KRT7: variants seen among roughly 807,000 people sequenced by gnomAD.
The protein encoded by KRT7 is keratin 7.
KRT7 carries 50 observed loss-of-function variants against 42.8 expected under a neutral mutation model. The observed-to-expected ratio is 1.17, with a 90% CI of 0.93 to 1.48. KRT7 has a LOEUF of 1.48. KRT7 is among the 40% of genes most tolerant of loss of function. KRT7 has a pLI of 0.00. For missense variants in KRT7, 588 were observed against 637.6 expected, an observed-to-expected ratio of 0.92 and a Z score of 0.84; for synonymous variants, 268 against 266.3, an observed-to-expected ratio of 1.01 and a Z score of -0.06.
At chr12:52,237,763 G>T (rs1177969177) in intron 3 of KRT7, 194 bp downstream of exon 3, 1 of 315,136 alleles carries the variant, frequency 3.2e-6, no homozygotes, top group Non-Finnish European at 5.6e-6. Flanking sequence ...TGTGTGTGTG[G>T]TGACTGATTA....
downstream of KRT7, among the ~76,000 whole-genome samples, chr12:52,250,842 A>G (rs1313458395): frequency 6.6e-6 from 1 of 152,174 alleles, no homozygotes; most frequent in Non-Finnish European, 1.5e-5. Context: ...TCGCCTCACA[A>G]CAGAGACATG....
chr12:52,248,647 G>A lies in KRT7; in HGVS notation c.1297G>A (p.Gly433Arg), dbSNP rs748136255. The A allele has an allele frequency of 1.3e-5, 21 of 1,611,894 alleles. No homozygotes were observed. Among genetic ancestry groups the A allele is most frequent in the Non-Finnish European group, 1.6e-5 (19 of 1,178,790 alleles). The change falls in exon 9 of 9, where the codon GGG (glycine) becomes AGG (arginine). Residue 433 changes from glycine (G) to arginine (R), a missense_variant. By Grantham distance (125) the Gly-to-Arg change is moderately radical. Coordinates refer to ENST00000331817, the MANE Select transcript of KRT7 (RefSeq NM_005556.4). Reference sequence around the variant, plus strand: ...TGGCGGTGGCATTGGGCTGACCCTCGGGGGAACCATGGGCAGCAATGCCCT... The same window carrying A: ...TGGCGGTGGCATTGGGCTGACCCTCAGGGGAACCATGGGCAGCAATGCCCT... ...SSGGGIGLTL[G>R]GTMGSNALSF...
At chr12:52,236,482 C>T (rs896059600) in intron 2 of KRT7, among the ~76,000 whole-genome samples, 4 of 152,142 alleles carry the variant, frequency 2.6e-5, no homozygotes, top group African/African-American at 9.7e-5. Flanking sequence ...GGGAGGGTCC[C>T]TGTGTGCAGC....
intron 5 of KRT7, among the ~76,000 whole-genome samples, chr12:52,242,533 C>G (rs993767215): frequency 6.6e-6 from 1 of 152,122 alleles, no homozygotes; most frequent in Admixed American, 6.5e-5. Flanking sequence ...AGGTCTGCCC[C>G]TGCAGAGATA....
chr12:52,237,617 C>T (rs369588624), intron 3 of KRT7, 48 bp downstream of exon 3: 1 of 1,344,608 alleles, frequency 7.4e-7, no homozygotes. Flanking sequence ...AAACATGGGA[C>T]AAAGGACCAC....
chr12:52,245,113 A>G (rs1942148868), intron 6 of KRT7: 1 of 509,530 alleles, frequency 2.0e-6, no homozygotes, highest in Non-Finnish European at 3.5e-6. Context: ...GACATCTTGT[A>G]TATTATCTCA....
chr12:52,233,973 C>T (rs1415717919), intron 1 of KRT7, among the ~76,000 whole-genome samples: 1 of 152,222 alleles, frequency 6.6e-6, no homozygotes, highest in Non-Finnish European at 1.5e-5. Context: ...GCCAGGAGTT[C>T]TCTCTCTGGG....
At chr12:52,239,995 C>T (rs1344091532) in intron 4 of KRT7, among the ~76,000 whole-genome samples, 1 of 152,216 alleles carries the variant, frequency 6.6e-6, no homozygotes, top group Non-Finnish European at 1.5e-5. Context: ...ACCAGTTCTT[C>T]AGCCTAGTCT....
chr12:52,252,323 G>T, downstream of KRT7: 2 of 1,614,058 alleles, frequency 1.2e-6, no homozygotes, highest in Non-Finnish European at 1.7e-6. Flanking sequence ...AGGCCAGCTT[G>T]GAGTTCATCA....
downstream of KRT7, chr12:52,251,985 C>G: frequency 1.6e-6 from 1 of 636,464 alleles, no homozygotes; most frequent in Non-Finnish European, 2.9e-6. Context: ...CTGCCCAGAA[C>G]CCCAAGCTGT....
chr12:52,245,388 T>TTACA, intron 6 of KRT7, 24 bp from the exon 7 acceptor site: 1 of 1,611,236 alleles, frequency 6.2e-7, no homozygotes, highest in South Asian at 1.1e-5. Flanking sequence ...GAGCCCCAGC[T>TTACA]TACAGCTGCA....
chr12:52,238,833 A>G (rs1245046208), intron 4 of KRT7, 58 bp downstream of exon 4: 2 of 1,108,040 alleles, frequency 1.8e-6, no homozygotes, highest in Non-Finnish European at 2.7e-6. Context: ...CCAGGGAGCC[A>G]TCTGGTCCAG....
At chr12:52,254,372 G>A (rs1463306952), downstream of KRT7, 1 of 758,256 alleles carries the variant, frequency 1.3e-6, no homozygotes, top group African/African-American at 1.7e-5. Flanking sequence ...ATCCTAAAGG[G>A]GAGAAGGTGG....
intron 6 of KRT7, 144 bp downstream of exon 6, chr12:52,243,281 C>T (rs1338298401): frequency 5.2e-6 from 5 of 956,072 alleles, no homozygotes; most frequent in East Asian, 2.8e-5. Flanking sequence ...GTGAGATCTC[C>T]AGCACAGAAT....
chr12:52,248,442 T>G (rs1394811803), intron 8 of KRT7, 149 bp from the exon 9 acceptor site: 2 of 895,334 alleles, frequency 2.2e-6, no homozygotes, highest in Non-Finnish European at 3.4e-6. Context: ...GCCCTACCCC[T>G]GTCAGATGCT....
At chr12:52,253,498 C>A, downstream of KRT7, 1 of 1,561,736 alleles carries the variant, frequency 6.4e-7, no homozygotes, top group Non-Finnish European at 8.7e-7. Context: ...CTTATCTTCC[C>A]ATCCGTAGGG....
Position 52,241,474 on chromosome 12 carries a change from G to A in KRT7, c.696G>A (p.Glu232=), listed in dbSNP as rs780797881. The A allele has an allele frequency of 3.2e-5, 51 of 1,610,558 alleles. No homozygotes were observed. In the African/African-American group the frequency reaches 5.3e-4, roughly 17 times the overall value. The stretch of plus-strand genomic sequence containing the variant: ...GATGTCCCGTCTGGTCCCTACAGGA[G>A]TTGACAGAGCTGCAGTCCCAGATCT... ...INFLRTLNET[E]LTELQSQISD... The change falls in exon 5 of 9, where the codon GAG becomes GAA. Residue 232 remains glutamate, a splice_region_variant and synonymous_variant. Transcript: ENST00000331817.
At position 52,243,003 on chromosome 12, in the gene KRT7, C is replaced by A; in HGVS notation, c.859-9C>A. On this transcript the variant is annotated splice_polypyrimidine_tract_variant and intron_variant, in intron 5 of 8. Coordinates refer to ENST00000331817, the MANE Select transcript of KRT7 (RefSeq NM_005556.4). ...CTCTCTGCCATAACTCTCTGTATGGCCCCTCCAGTTTGAGACCCTCCAGGC... is the reference window on the plus strand; with the variant it reads ...CTCTCTGCCATAACTCTCTGTATGGACCCTCCAGTTTGAGACCCTCCAGGC... The A allele has an allele frequency of 6.2e-7, 1 of 1,609,362 alleles. No individual in the cohort carries two copies. The highest frequency in any genetic ancestry group is 8.5e-7 in the Non-Finnish European group (1 of 1,177,682).
At chr12:52,249,006 C>A (rs1053586959), downstream of KRT7, 5 of 357,442 alleles carry the variant, frequency 1.4e-5, no homozygotes, top group Admixed American at 4.4e-5. Flanking sequence ...GACTAGGAAG[C>A]CTTTTGTGCA....
Sources: allele counts gnomAD v4.1 joint callset (sites outside exome capture counted in the v4.1 genomes callset), GRCh38; gene constraint gnomAD v4.1.1; transcripts MANE v1.5; gene names NCBI Gene and HGNC (gene_info 2026-07-23, HGNC 2026-07-21).